The following SLMAP variants were observed in gnomAD, a reference collection of about 807,000 sequenced individuals.
The protein encoded by SLMAP is sarcolemmal membrane-associated protein.
In SLMAP, 44 loss-of-function variants were observed where a neutral mutation model predicts 128.8. The ratio of observed to expected loss-of-function variants is 0.34; its 90% CI spans 0.27 to 0.44. SLMAP has a LOEUF of 0.44. Among genes scored for constraint, SLMAP ranks in the 20% least tolerant of loss-of-function variants. The pLI is 1.00. For missense variants in SLMAP, 787 were observed against 985.3 expected, an observed-to-expected ratio of 0.80 and a Z score of 2.69; for synonymous variants, 327 against 348.8, an observed-to-expected ratio of 0.94 and a Z score of 0.70.
intron 8 of SLMAP, 30 bp from the exon 9 acceptor site, chr3:57,860,669 G>A (rs1386947805): frequency 1.4e-6 from 2 of 1,456,904 alleles, no homozygotes; most frequent in Non-Finnish European, 1.8e-6. Flanking sequence ...AAAATAACTT[G>A]TCTATAATTA....
chr3:57,896,602 A>T lies in SLMAP; in HGVS notation c.1441+11A>T. ...GTGACGACACTACAGGTGAGTTTTAACCTAATGTTTACAGACCTGCAGCTG... is the reference window on the plus strand; with the variant it reads ...GTGACGACACTACAGGTGAGTTTTATCCTAATGTTTACAGACCTGCAGCTG... On this transcript the variant is annotated intron_variant, in intron 16 of 24. Coordinates refer to ENST00000671191, the MANE Select transcript of SLMAP (RefSeq NM_001377540.1). 1 of 1,594,666 alleles carries T rather than the reference A, an allele frequency of 6.3e-7. No homozygotes were observed. The highest frequency in any genetic ancestry group is 8.6e-7 in the Non-Finnish European group (1 of 1,169,146).
intron 17 of SLMAP, among the ~76,000 whole-genome samples, chr3:57,906,300 CTT>C (rs112949836): frequency 4.2e-5 from 3 of 71,290 alleles, no homozygotes; most frequent in East Asian, 1.9e-3. Flanking sequence ...AAATTTTTTT[CTT>C]TTTTTTTCTT....
chr3:57,906,721 A>T (rs2153680615), intron 17 of SLMAP, among the ~76,000 whole-genome samples: 1 of 148,874 alleles, frequency 6.7e-6, no homozygotes, highest in African/African-American at 2.4e-5. Flanking sequence ...ACCTATTGTA[A>T]TTGTATTGTG....
Position 57,890,052 on chromosome 3 carries a change from G to A in SLMAP, c.1312G>A (p.Val438Ile), listed in dbSNP as rs751946618. The change falls in exon 15 of 25, where the codon GTC (valine) becomes ATC (isoleucine). Residue 438 changes from valine to isoleucine, a missense_variant. By Grantham distance (29) the Val-to-Ile change is conservative. Coordinates refer to ENST00000671191, the MANE Select transcript of SLMAP (RefSeq NM_001377540.1). ...ATTTTCCTTGGCAGAGAAGCTGATC[G>A]TCGAAGGGCATCTAACCAAAGCGGT... Reference protein sequence around the residue: ...QFIECQKKLIVEGHLTKAVEE... With the variant: ...QFIECQKKLIIEGHLTKAVEE... 4.3e-6 allele frequency: 7 copies of A among 1,613,016 alleles called. No individual in the cohort carries two copies. The highest frequency in any genetic ancestry group is 2.2e-5 in the South Asian group (2 of 91,054).
intron 7 of SLMAP, 91 bp from the exon 8 acceptor site, chr3:57,857,997 A>G: frequency 3.1e-6 from 3 of 969,940 alleles, no homozygotes; most frequent in Non-Finnish European, 4.9e-6. Context: ...TTACGCTTTT[A>G]TATCTTTTGT....
At position 57,853,959 on chromosome 3, in the gene SLMAP, A is replaced by ATATT. The variant is rs1339193081; in HGVS notation, c.520-3771_520-3770insTTAT. ...TCTGTCTCAAAAAAAAAAAAATTAT[A>ATATT]TATATATATATATATATATATATAT... On this transcript the variant is annotated intron_variant, in intron 6 of 24. Transcript: ENST00000671191. Among the ~76,000 whole-genome samples, 6 of 53,080 alleles carry ATATT rather than the reference A, an allele frequency of 1.1e-4. 1 individual carries two copies. The Admixed American group carries it at 1.2e-3, about 10-fold the overall frequency. 34.8% of individuals were successfully genotyped at this position (53,080 alleles called of 152,430 possible). A position where few individuals can be genotyped will look rare whatever the true frequency, so the allele number is the denominator to read the frequency against.
intron 2 of SLMAP, among the ~76,000 whole-genome samples, chr3:57,807,782 C>T (rs1411704073): frequency 6.6e-6 from 1 of 152,164 alleles, no homozygotes; most frequent in Non-Finnish European, 1.5e-5. Context: ...ATGCTGGCCT[C>T]ATAAAATGAG....
At chr3:57,768,171 G>A (rs2080111712) in intron 2 of SLMAP, among the ~76,000 whole-genome samples, 1 of 152,130 alleles carries the variant, frequency 6.6e-6, no homozygotes, top group African/African-American at 2.4e-5. Context: ...AGCTTATATA[G>A]GCACTTGAAA....
intron 2 of SLMAP, among the ~76,000 whole-genome samples, chr3:57,823,989 CA>C (rs1293321436): frequency 6.6e-6 from 1 of 151,980 alleles, no homozygotes; most frequent in Non-Finnish European, 1.5e-5. Context: ...AGCATTTTTT[CA>C]TGTGTCTTTT....
chr3:57,859,248 TG>T (rs776378910), intron 8 of SLMAP, among the ~76,000 whole-genome samples: 6 of 122,960 alleles, frequency 4.9e-5, no homozygotes, highest in Non-Finnish European at 6.6e-5. Flanking sequence ...TTAAACCCGG[TG>T]GGGGTGGAGG....
intron 2 of SLMAP, among the ~76,000 whole-genome samples, chr3:57,819,700 C>T (rs543224141): frequency 3.9e-5 from 6 of 152,098 alleles, no homozygotes; most frequent in Admixed American, 1.3e-4. Context: ...AATGTGATCA[C>T]GGGTACTTCC....
chr3:57,783,628 A>G (rs1049704367), intron 2 of SLMAP, among the ~76,000 whole-genome samples: 4 of 152,234 alleles, frequency 2.6e-5, no homozygotes, highest in Non-Finnish European at 5.9e-5. Flanking sequence ...GGCTATGTAA[A>G]GAGTGAAAAG....
At chr3:57,865,163 G>C in intron 12 of SLMAP, 79 bp from the exon 13 acceptor site, 1 of 736,348 alleles carries the variant, frequency 1.4e-6, no homozygotes. Context: ...TAGGAATGCA[G>C]AATGCCATGG....
chr3:57,841,480 T>G, intron 4 of SLMAP, 109 bp downstream of exon 4: 1 of 472,910 alleles, frequency 2.1e-6, no homozygotes, highest in Non-Finnish European at 3.7e-6. Flanking sequence ...TCAGGACTAT[T>G]TAAATAATAT....
At chr3:57,903,297 G>A (rs933882925) in intron 17 of SLMAP, among the ~76,000 whole-genome samples, 2 of 152,280 alleles carry the variant, frequency 1.3e-5, no homozygotes, top group African/African-American at 2.4e-5. Flanking sequence ...GCATTGTGAA[G>A]GTTGTTCTCA....
At chr3:57,882,311 A>G (rs958446299) in intron 14 of SLMAP, among the ~76,000 whole-genome samples, 56 of 152,204 alleles carry the variant, frequency 3.7e-4, no homozygotes, top group African/African-American at 1.3e-3. Context: ...TAATAAACCA[A>G]AAAATTAATA....
chr3:57,909,917 T>A (rs1576237407), intron 19 of SLMAP, among the ~76,000 whole-genome samples: 1 of 151,482 alleles, frequency 6.6e-6, no homozygotes, highest in East Asian at 2.0e-4. Flanking sequence ...TGGCCTATTT[T>A]TTTTTTTTTT....
In SLMAP at chr3:57,896,889, G is replaced by A. The variant is rs751683284; in HGVS notation, c.1458G>A (p.Glu486=). ...TCTCTGTAGACGCCCAAATGGATGAGCAAGACCTAAATGAGCCTCTTGCCA... is the reference window on the plus strand; with the variant it reads ...TCTCTGTAGACGCCCAAATGGATGAACAAGACCTAAATGAGCCTCTTGCCA... ...SDDTTDAQMD[E]QDLNEPLAKV... is the part of the protein sequence containing the mutation. Residue 486 remains glutamate, a synonymous_variant, in exon 17 of 25, where the codon GAG becomes GAA. Transcript: ENST00000671191. 1 of 1,609,892 alleles carries A rather than the reference G, an allele frequency of 6.2e-7. No individual in the cohort carries two copies. Among genetic ancestry groups the A allele is most frequent in the South Asian group, 1.1e-5 (1 of 89,766 alleles).
chr3:57,836,947 ACTTCAGTCAGCTTATTACTTCAGGCCT>A (rs2093668076), intron 3 of SLMAP, among the ~76,000 whole-genome samples: 1 of 152,166 alleles, frequency 6.6e-6, no homozygotes, highest in African/African-American at 2.4e-5. Flanking sequence ...AACACATGTA[ACTTCAGTCAGCTTATTACTTCAGGCCT>A]TCATCACCAA....
Sources: allele counts gnomAD v4.1 joint callset (sites outside exome capture counted in the v4.1 genomes callset), GRCh38; gene constraint gnomAD v4.1.1; transcripts MANE v1.5; gene names NCBI Gene and HGNC (gene_info 2026-07-23, HGNC 2026-07-21).